Variants in TMEM8B observed in about 807,000 individuals in gnomAD.
The protein encoded by TMEM8B is transmembrane protein 8B, also known as nasopharyngeal carcinoma expressed 6.
A neutral mutation model predicts 49.3 loss-of-function variants in TMEM8B; 29 were observed. The ratio of observed to expected loss-of-function variants is 0.59; its 90% confidence interval spans 0.44 to 0.80. The LOEUF (loss-of-function observed/expected upper bound fraction) is 0.80, where lower values mean the gene tolerates loss of function less well. Among genes scored for constraint, TMEM8B ranks in the 30% least tolerant of loss-of-function variants. The pLI is 0.00. For synonymous variants in TMEM8B, 264 were observed against 272.8 expected (o/e 0.97, Z 0.32); for missense variants, 575 against 658.5 (o/e 0.87, Z 1.39).
chr9:35,853,700 C>T lies in TMEM8B; in HGVS notation c.2635C>T (p.Pro879Ser). 2 of 1,614,186 alleles carry T rather than the reference C, an allele frequency of 1.2e-6. No individual in the cohort carries two copies. The highest frequency in any genetic ancestry group is 1.3e-5 in the African/African-American group (1 of 75,054). Residue 879 changes from proline to serine, a missense_variant, in exon 13 of 13, where the codon CCT (proline) becomes TCT (serine). Pro to Ser is a moderately conservative substitution (Grantham distance 74). Coordinates refer to ENST00000643932, the MANE Select transcript of TMEM8B (RefSeq NM_001042590.4). This position sits in a 1 kb window ranked among gnomAD's most constrained non-coding sequence, Gnocchi z 4.2. ...IAGSVGFLLP[P>S]RAKTDHGVPS... ...GGGCAGTGTGGGCTTCCTGCTGCCC[C>T]CTCGTGCCAAGACTGACCACGGGGT...
chr9:35,839,439 GGGTGAC>G (rs1210597930), intron 3 of TMEM8B, among the ~76,000 whole-genome samples: 2 of 152,168 alleles, frequency 1.3e-5, no homozygotes, highest in African/African-American at 4.8e-5. Context: ...TCCCATCACT[GGGTGAC>G]GGTTCCCTGC....
rs151064858 is a variant in TMEM8B at position 35,841,615 on chromosome 9, G to T, written c.1130G>T (p.Arg377Leu). Residue 377 changes from arginine to leucine, a missense_variant, in exon 5 of 13, where the codon CGT (arginine) becomes CTT (leucine). Transcript: ENST00000643932. This position sits in a 1 kb window ranked among gnomAD's most constrained non-coding sequence, Gnocchi z 5.9. Reference sequence around the variant, plus strand: ...GTATCTGCCTGCCCCCTGTCACTGCGTCTGCGTCCCAAAGCCCCACCCCTG... The same window carrying T: ...GTATCTGCCTGCCCCCTGTCACTGCTTCTGCGTCCCAAAGCCCCACCCCTG... ...RGVSACPLSLRLRPKAPPLHN... is the reference protein window; with the variant it reads ...RGVSACPLSLLLRPKAPPLHN... The T allele has an allele frequency of 7.6e-3, 3,175 of 416,300 alleles. 22 individuals carry two copies. Among genetic ancestry groups the T allele is most frequent in the Admixed American group, 0.013 (297 of 22,748 alleles). The allele number at this position is 416,300 out of a possible 1,614,324, so 25.8% of individuals were successfully genotyped here. A position where few individuals can be genotyped will look rare whatever the true frequency, so the allele number is the denominator to read the frequency against.
chr9:35,852,731 T>G, intron 10 of TMEM8B, 96 bp from the exon 11 acceptor site: 5 of 1,438,032 alleles, frequency 3.5e-6, no homozygotes, highest in Non-Finnish European at 3.9e-6. Flanking sequence ...TCTGCTGCAC[T>G]GACAGCAGCA....
rs1832390794 is a variant in TMEM8B at position 35,853,912 on chromosome 9, C to T, written c.*72C>T. ...GTTCTTTCTGGGGGTGTGGAGCCCT[C>T]TTAGAAGGAGACAGGCTGTATTTCT... On this transcript the variant is annotated 3_prime_UTR_variant, in exon 13 of 13. Coordinates refer to ENST00000643932, the MANE Select transcript of TMEM8B (RefSeq NM_001042590.4). This position sits in a 1 kb window ranked among gnomAD's most constrained non-coding sequence, Gnocchi z 4.2. The T allele has an allele frequency of 2.0e-6, 3 of 1,466,214 alleles. No homozygotes were observed. Among genetic ancestry groups the T allele is most frequent in the South Asian group, 1.5e-5 (1 of 68,534 alleles). 90.8% of individuals were successfully genotyped at this position (1,466,214 alleles called of 1,614,324 possible).
rs1356349270 is a variant in TMEM8B at position 35,829,703 on chromosome 9, C to G, written c.256C>G (p.Pro86Ala). 2.5e-6 allele frequency: 1 copy of G among 405,496 alleles called. No homozygotes were observed. The highest frequency in any genetic ancestry group is 3.6e-5 in the East Asian group (1 of 28,116). 25.1% of individuals were successfully genotyped at this position (405,496 alleles called of 1,614,324 possible). A position where few individuals can be genotyped will look rare whatever the true frequency, so the allele number is the denominator to read the frequency against. The change falls in exon 1 of 13, where the codon CCC (proline) becomes GCC (alanine). Residue 86 changes from proline (P) to alanine (A), a missense_variant. Pro to Ala is a conservative substitution (Grantham distance 27, BLOSUM62 -1). Coordinates refer to ENST00000643932, the MANE Select transcript of TMEM8B (RefSeq NM_001042590.4). Reference protein sequence around the residue: ...CLLKALAQPRPLLQSPSQPFL... With the variant: ...CLLKALAQPRALLQSPSQPFL... ...GCTTAAGGCCCTGGCTCAACCCCGT[C>G]CCTTGCTGCAGTCCCCATCACAGCC...
chr9:35,842,686 G>T lies in TMEM8B; in HGVS notation c.1604G>T (p.Gly535Val). Residue 535 changes from glycine (G) to valine (V), a missense_variant, in exon 6 of 13, where the codon GGC becomes GTC. Coordinates refer to ENST00000643932, the MANE Select transcript of TMEM8B (RefSeq NM_001042590.4). This position sits in a 1 kb window ranked among gnomAD's most constrained non-coding sequence, Gnocchi z 5.6. ...MRLLPVLDSG[G>V]VLSLELQLNA... ...CTGTTGCCAGTGCTGGACAGTGGAG[G>T]CGTCCTCAGCCTGGAGCTCCAGCTC... is the stretch of plus-strand genomic sequence containing the variant. 6.2e-7 allele frequency: 1 copy of T among 1,613,850 alleles called. No individual in the cohort carries two copies. Among genetic ancestry groups the T allele is most frequent in the Non-Finnish European group, 8.5e-7 (1 of 1,179,852 alleles).
rs1213967807 is a variant in TMEM8B at position 35,842,829 on chromosome 9, C to T, written c.1635+112C>T. 1 of 1,143,398 alleles carries T rather than the reference C, an allele frequency of 8.7e-7. No individual in the cohort carries two copies. Among genetic ancestry groups the T allele is most frequent in the Non-Finnish European group, 1.2e-6 (1 of 829,990 alleles). The allele number at this position is 1,143,398 out of a possible 1,614,324, so 70.8% of individuals were successfully genotyped here. ...AGGAAGCCTGTCCAGGTTGCTCCCA[C>T]CCATCCTGACAATTAGGGACCATGG... On this transcript the variant is annotated intron_variant, in intron 6 of 12. Coordinates refer to ENST00000643932, the MANE Select transcript of TMEM8B (RefSeq NM_001042590.4). The surrounding 1 kb of genome is among the most constrained non-coding windows in gnomAD (Gnocchi z 5.6).
chr9:35,846,636 G>T, intron 9 of TMEM8B, 25 bp downstream of exon 9: 1 of 1,572,268 alleles, frequency 6.4e-7, no homozygotes, highest in Non-Finnish European at 8.6e-7. Context: ...GAGGGAGCGG[G>T]CTGCGGTGGA....
chr9:35,834,031 TACACACACAC>T (rs377460934), intron 1 of TMEM8B, among the ~76,000 whole-genome samples: 35 of 138,408 alleles, frequency 2.5e-4, no homozygotes, highest in South Asian at 2.2e-3. Flanking sequence ...CATGCCAAAA[TACACACACAC>T]ACACACACAC....
chr9:35,842,665 T>TG lies in TMEM8B; in HGVS notation c.1584dup (p.Pro529AlafsTer203). On this transcript the variant is annotated frameshift_variant, in exon 6 of 13. Transcript: ENST00000643932. LOFTEE classifies it high-confidence loss of function. The surrounding 1 kb of genome is among the most constrained non-coding windows in gnomAD (Gnocchi z 5.6). ...CCAGCCGTGTTCGCCATGAGGCTGT[T>TG]GCCAGTGCTGGACAGTGGAGGCGTC... is the stretch of plus-strand genomic sequence containing the variant. 1 of 1,614,134 alleles carries TG rather than the reference T, an allele frequency of 6.2e-7. No homozygotes were observed.
Position 35,832,894 on chromosome 9 carries a change from C to T in TMEM8B, c.509-1567C>T, listed in dbSNP as rs560593550. 8.5e-5 allele frequency among the ~76,000 whole-genome samples: 13 copies of T among 152,292 alleles called. 1 individual carries two copies. The highest frequency in any genetic ancestry group is 2.9e-4 in the African/African-American group (12 of 41,556). ...CGGTCCCATTTCCCTTTATCCCTCTCGGCTGCATCTCTATCACTCTCTGAA... is the reference window on the plus strand; with the variant it reads ...CGGTCCCATTTCCCTTTATCCCTCTTGGCTGCATCTCTATCACTCTCTGAA... On this transcript the variant is annotated intron_variant, in intron 1 of 12. Coordinates refer to ENST00000643932, the MANE Select transcript of TMEM8B (RefSeq NM_001042590.4).
At chr9:35,845,793 T>C in intron 6 of TMEM8B, 182 bp from the exon 7 acceptor site, 1 of 985,392 alleles carries the variant, frequency 1.0e-6, no homozygotes, top group Non-Finnish European at 1.2e-6. Context: ...CTGTGGAGGA[T>C]CTGTTGTTTT....
At chr9:35,835,302 C>T in intron 3 of TMEM8B, 84 bp downstream of exon 3, 1 of 407,690 alleles carries the variant, frequency 2.5e-6, no homozygotes, top group Non-Finnish European at 4.4e-6. Context: ...TCTGGCACAC[C>T]AGCCTTGTGT....
chr9:35,835,641 C>T (rs531664200), intron 3 of TMEM8B, among the ~76,000 whole-genome samples: 2 of 152,342 alleles, frequency 1.3e-5, no homozygotes, highest in Admixed American at 6.5e-5. Context: ...TCTTAGGCCA[C>T]GGCCCAGTAT....
rs1832573093 is a variant in TMEM8B, at chr9:35,857,506, A to G, written c.*3666A>G. The G allele has an allele frequency of 1.3e-5, 2 of 152,154 alleles. No homozygotes were observed. Among genetic ancestry groups the G allele is most frequent in the South Asian group, 4.1e-4 (2 of 4,824 alleles). 9.4% of individuals were successfully genotyped at this position (152,154 alleles called of 1,614,324 possible). The stretch of plus-strand genomic sequence containing the variant: ...ACATGGGGGTGCGGCAGTACAGATA[A>G]TGTAGCGAGGGGACAGCCATGTGAA... On this transcript the variant is annotated 3_prime_UTR_variant, in exon 13 of 13. Coordinates refer to ENST00000643932, the MANE Select transcript of TMEM8B (RefSeq NM_001042590.4).
chr9:35,852,965 G>A lies in TMEM8B; in HGVS notation c.2314G>A (p.Val772Ile). The A allele has an allele frequency of 6.2e-7, 1 of 1,614,186 alleles. No homozygotes were observed. The highest frequency in any genetic ancestry group is 1.1e-5 in the South Asian group (1 of 91,086). Residue 772 changes from valine (V) to isoleucine (I), a missense_variant, in exon 11 of 13, where the codon GTC (valine) becomes ATC (isoleucine). Transcript: ENST00000643932. ...TGCCATGGCTCGTTTACAGCCCGTG[G>A]TCAAGCAGGTCAGTCCAGAGTGGGC... is the stretch of plus-strand genomic sequence containing the variant. ...VIAMARLQPV[V>I]KQVLYLLGAM...
intron 6 of TMEM8B, among the ~76,000 whole-genome samples, chr9:35,844,313 G>A (rs1170712782): frequency 6.6e-6 from 1 of 152,212 alleles, no homozygotes; most frequent in Non-Finnish European, 1.5e-5. Flanking sequence ...GTACTTCTTA[G>A]TCATTACTGT....
chr9:35,847,047 G>T (rs572635010), intron 10 of TMEM8B, 52 bp downstream of exon 10: 1 of 1,614,182 alleles, frequency 6.2e-7, no homozygotes, highest in African/African-American at 1.3e-5. Context: ...ATGGTGGTGG[G>T]TCACAGTCTG....
Position 35,841,976 on chromosome 9 carries a change from A to AT in TMEM8B, c.1309+192dup, listed in dbSNP as rs34011895. The stretch of plus-strand genomic sequence containing the variant: ...CAAGTTATTGGAAGGCCTTTAGATA[A>AT]TTTTTTTTTTGCATCTGACTTGAGA... On this transcript the variant is annotated intron_variant, in intron 5 of 12. Coordinates refer to ENST00000643932, the MANE Select transcript of TMEM8B (RefSeq NM_001042590.4). This position sits in a 1 kb window ranked among gnomAD's most constrained non-coding sequence, Gnocchi z 5.9. Among the ~76,000 whole-genome samples, 23 of 149,408 alleles carry AT rather than the reference A, an allele frequency of 1.5e-4. No homozygotes were observed. The South Asian group carries it at 1.9e-3, about 12-fold the overall frequency.
Sources: gnomAD v4.1 joint callset for allele counts (sites outside exome capture counted in the v4.1 genomes callset) on GRCh38, gnomAD v4.1.1 for gene constraint, Gnocchi (gnomAD v3.1) non-coding constraint, MANE v1.5 for transcripts, NCBI Gene and HGNC (gene_info 2026-07-23, HGNC 2026-07-21) for gene names.